FBXO16: variants seen among roughly 807,000 people sequenced by gnomAD.
The protein encoded by FBXO16 is F-box only protein 16.
A neutral mutation model predicts 41.0 loss-of-function variants in FBXO16; 31 were observed. The ratio of observed to expected loss-of-function variants is 0.76; its 90% confidence interval spans 0.57 to 1.02. The LOEUF (loss-of-function observed/expected upper bound fraction) is 1.02. FBXO16 is among the 50% of genes least tolerant of loss of function. FBXO16 has a pLI of 0.00. For synonymous variants in FBXO16, 133 were observed against 117.8 expected, an observed-to-expected ratio of 1.13 and a Z score of -0.84; for missense variants, 361 against 346.2, an observed-to-expected ratio of 1.04 and a Z score of -0.34.
At chr8:28,453,162 A>C (rs1489865013) in intron 5 of FBXO16, among the ~76,000 whole-genome samples, 1 of 152,220 alleles carries the variant, frequency 6.6e-6, no homozygotes, top group East Asian at 1.9e-4. Flanking sequence ...AAGAGGAAAT[A>C]GAATATAGGA....
chr8:28,450,282 T>C (rs187608416), intron 6 of FBXO16, among the ~76,000 whole-genome samples: 1 of 152,260 alleles, frequency 6.6e-6, no homozygotes, highest in Admixed American at 6.5e-5. Flanking sequence ...AACAATGAAG[T>C]TGGACCCCAA....
chr8:28,477,346 T>C (rs187109629), intron 2 of FBXO16, among the ~76,000 whole-genome samples: 31 of 152,304 alleles, frequency 2.0e-4, no homozygotes, highest in African/African-American at 6.0e-4. Context: ...CTTGAAATTA[T>C]TGTCTGGATA....
intron 2 of FBXO16, among the ~76,000 whole-genome samples, chr8:28,477,910 G>A (rs2130191072): frequency 6.6e-6 from 1 of 152,216 alleles, no homozygotes; most frequent in South Asian, 2.1e-4. Flanking sequence ...CTACTTGGGG[G>A]AATGAGACAG....
intron 4 of FBXO16, among the ~76,000 whole-genome samples, chr8:28,459,843 A>G (rs1053243659): frequency 1.3e-5 from 2 of 151,722 alleles, no homozygotes; most frequent in Admixed American, 6.6e-5. Context: ...CCTGGCCAAC[A>G]TGGTGAAACC....
At chr8:28,449,701 C>T (rs187473804) in intron 6 of FBXO16, among the ~76,000 whole-genome samples, 5 of 151,962 alleles carry the variant, frequency 3.3e-5, no homozygotes, top group Admixed American at 2.6e-4. Flanking sequence ...GGGTCAGGTG[C>T]GGTGGCTCAT....
At position 28,447,258 on chromosome 8, in the gene FBXO16, GTTTC is replaced by G. The variant is rs1802879570; in HGVS notation, c.752_755del (p.Arg251ThrfsTer3). 2 of 1,612,608 alleles carry G rather than the reference GTTTC, an allele frequency of 1.2e-6. No individual in the cohort carries two copies. The highest frequency in any genetic ancestry group is 1.7e-6 in the Non-Finnish European group (2 of 1,179,774). On this transcript the variant is annotated frameshift_variant, in exon 7 of 9. Coordinates refer to ENST00000380254, the MANE Select transcript of FBXO16 (RefSeq NM_172366.4). LOFTEE classifies it high-confidence loss of function. ...GTCGGCTGAAGTCTGGGGTCATTTGGTTTCTTTTTCTTCTTCTGTAAATTGGAAA... is the reference window on the plus strand; with the variant it reads ...GTCGGCTGAAGTCTGGGGTCATTTGGTTTTTCTTCTTCTGTAAATTGGAAA...
At chr8:28,458,558 T>A (rs866097038) in intron 4 of FBXO16, among the ~76,000 whole-genome samples, 1 of 144,940 alleles carries the variant, frequency 6.9e-6, no homozygotes, top group Non-Finnish European at 1.5e-5. Context: ...TTTTTTTTTT[T>A]TTTTTTTTTT....
At chr8:28,434,436 T>G (rs1802657170) in intron 7 of FBXO16, among the ~76,000 whole-genome samples, 2 of 152,216 alleles carry the variant, frequency 1.3e-5, no homozygotes, top group Non-Finnish European at 2.9e-5. Context: ...TGACAGCACC[T>G]GCTTTGTGCC....
intron 3 of FBXO16, among the ~76,000 whole-genome samples, chr8:28,466,975 G>C (rs749939870): frequency 8.3e-6 from 1 of 120,326 alleles, no homozygotes; most frequent in African/African-American, 3.2e-5. Flanking sequence ...ACAGGGTCTC[G>C]CTGTGTCGCC....
At chr8:28,462,647 G>A (rs79203085) in intron 4 of FBXO16, among the ~76,000 whole-genome samples, 4,859 of 152,242 alleles carry the variant, frequency 0.032, 241 homozygotes, top group African/African-American at 0.11. Flanking sequence ...ACACTGGCAG[G>A]TAATATCTGG....
At chr8:28,460,305 G>C (rs1803110926) in intron 4 of FBXO16, among the ~76,000 whole-genome samples, 1 of 128,812 alleles carries the variant, frequency 7.8e-6, no homozygotes, top group Admixed American at 8.6e-5. Context: ...CTGGAGTGCA[G>C]AGGCATGATC....
At chr8:28,436,357 C>G (rs1383613434) in intron 7 of FBXO16, among the ~76,000 whole-genome samples, 1 of 152,214 alleles carries the variant, frequency 6.6e-6, no homozygotes, top group African/African-American at 2.4e-5. Context: ...AAAACATTCC[C>G]TTTTACTCCC....
At chr8:28,463,952 A>C in intron 3 of FBXO16, 134 bp from the exon 4 acceptor site, 4 of 850,184 alleles carry the variant, frequency 4.7e-6, no homozygotes, top group Non-Finnish European at 7.1e-6. Flanking sequence ...TTCCCTAATC[A>C]GCAAATTCCA....
At chr8:28,444,296 TTTC>T (rs1294660268) in intron 7 of FBXO16, among the ~76,000 whole-genome samples, 1 of 146,884 alleles carries the variant, frequency 6.8e-6, no homozygotes, top group Non-Finnish European at 1.5e-5. Flanking sequence ...ACATCCAATA[TTTC>T]TTCTTTTTTT....
chr8:28,471,914 G>A (rs1456367347), intron 3 of FBXO16, among the ~76,000 whole-genome samples: 2 of 150,594 alleles, frequency 1.3e-5, no homozygotes, highest in Non-Finnish European at 2.9e-5. Flanking sequence ...AGATGAGAAA[G>A]TCCTAGTTTT....
chr8:28,454,603 C>T (rs979472904), intron 5 of FBXO16, among the ~76,000 whole-genome samples: 3 of 151,186 alleles, frequency 2.0e-5, no homozygotes, highest in African/African-American at 7.4e-5. Flanking sequence ...TGGCAGGCGC[C>T]TGTAGTCCCA....
intron 4 of FBXO16, among the ~76,000 whole-genome samples, 190 bp downstream of exon 4, chr8:28,463,408 GTGTGTGTATATGTA>G (rs1264616850): frequency 4.6e-5 from 7 of 151,946 alleles, no homozygotes; most frequent in East Asian, 3.9e-4. Context: ...ATGTATTTGT[GTGTGTGTATATGTA>G]TGTGTGTATA....
chr8:28,465,440 C>T (rs554768461), intron 3 of FBXO16: 11 of 448,778 alleles, frequency 2.5e-5, no homozygotes, highest in Middle Eastern at 3.3e-4. Context: ...CCGAGCAACA[C>T]CCCATCTGCA....
chr8:28,472,729 G>A (rs1429820303), intron 3 of FBXO16, among the ~76,000 whole-genome samples: 1 of 152,148 alleles, frequency 6.6e-6, no homozygotes, highest in Non-Finnish European at 1.5e-5. Flanking sequence ...TGGGCAACAA[G>A]AGCAAAACTC....
Sources: allele counts gnomAD v4.1 joint callset (sites outside exome capture counted in the v4.1 genomes callset), GRCh38; gene constraint gnomAD v4.1.1; transcripts MANE v1.5; gene names NCBI Gene and HGNC (gene_info 2026-07-23, HGNC 2026-07-21).